Variants in FOXK2 observed in about 807,000 individuals in gnomAD.
The protein encoded by FOXK2 is forkhead box protein K2.
FOXK2 carries 24 observed loss-of-function variants against 53.3 expected under a neutral mutation model. The observed-to-expected ratio is 0.45, with a 90% CI of 0.33 to 0.63. The LOEUF (loss-of-function observed/expected upper bound fraction) is 0.63. Ranked by LOEUF, FOXK2 falls within the 30% of genes least tolerant of loss-of-function variation. The pLI is 0.03. For missense variants in FOXK2, 952 were observed against 910.5 expected (o/e 1.05, Z -0.59); for synonymous variants, 505 against 407.1 (o/e 1.24, Z -2.89).
chr17:82,583,408 G>A (rs1413253972), intron 5 of FOXK2, among the ~76,000 whole-genome samples: 7 of 152,214 alleles, frequency 4.6e-5, no homozygotes, highest in East Asian at 3.9e-4. Flanking sequence ...TTAGCCGGGC[G>A]CGGTGGCGCG....
Position 82,601,490 on chromosome 17 carries a change from C to T in FOXK2, c.1974C>T (p.Val658=). 6.2e-7 allele frequency: 1 copy of T among 1,602,478 alleles called. No homozygotes were observed. ...TPPAAVREKG[V]QN ...CGGCAGCCGTAAGGGAAAAGGGTGTCCAGAACTAGCGACCGGGAGAGCTTT... is the reference window on the plus strand; with the variant it reads ...CGGCAGCCGTAAGGGAAAAGGGTGTTCAGAACTAGCGACCGGGAGAGCTTT... The change falls in exon 9 of 9, where the codon GTC becomes GTT. Residue 658 remains valine (V), a synonymous_variant. Coordinates refer to ENST00000335255, the MANE Select transcript of FOXK2 (RefSeq NM_004514.4).
intron 1 of FOXK2, among the ~76,000 whole-genome samples, chr17:82,532,740 G>A (rs1293955571): frequency 6.6e-6 from 1 of 151,512 alleles, no homozygotes. Flanking sequence ...GCTAATTTTT[G>A]TATTTTTAGT....
chr17:82,581,853 G>A (rs573910008), intron 4 of FOXK2, among the ~76,000 whole-genome samples: 1 of 152,226 alleles, frequency 6.6e-6, no homozygotes, highest in East Asian at 1.9e-4. Flanking sequence ...CAACTGAGCC[G>A]CTGCGCCCGT....
chr17:82,580,024 C>T (rs1356853037), intron 4 of FOXK2, among the ~76,000 whole-genome samples: 13 of 116,948 alleles, frequency 1.1e-4, no homozygotes, highest in African/African-American at 1.0e-4. Flanking sequence ...CTCTCCATGT[C>T]GCCCATGAAG....
chr17:82,583,431 C>T (rs890931438), intron 5 of FOXK2, among the ~76,000 whole-genome samples: 1 of 152,188 alleles, frequency 6.6e-6, no homozygotes, highest in African/African-American at 2.4e-5. Flanking sequence ...CCTGTAATCC[C>T]AGCTACTCGG....
At chr17:82,547,516 TA>T (rs1449310019) in intron 1 of FOXK2, among the ~76,000 whole-genome samples, 2 of 152,226 alleles carry the variant, frequency 1.3e-5, no homozygotes, top group Non-Finnish European at 2.9e-5. Context: ...TACTTCTGGT[TA>T]TTTTTTTCAT....
At chr17:82,555,885 C>CAAAAAAAAAAAAAAAA (rs71168116) in intron 1 of FOXK2, among the ~76,000 whole-genome samples, 2 of 74,214 alleles carry the variant, frequency 2.7e-5, no homozygotes, top group Non-Finnish European at 5.0e-5. Flanking sequence ...GACTCTATCA[C>CAAAAAAAAAAAAAAAA]AAAAAAAAAA....
intron 4 of FOXK2, among the ~76,000 whole-genome samples, chr17:82,574,802 G>A (rs2044964358): frequency 6.6e-6 from 1 of 152,142 alleles, no homozygotes; most frequent in Non-Finnish European, 1.5e-5. Flanking sequence ...GTCTACCTAT[G>A]GTATAGCTTT....
intron 1 of FOXK2, among the ~76,000 whole-genome samples, chr17:82,531,905 A>G (rs1350096334): frequency 6.6e-6 from 1 of 151,242 alleles, no homozygotes; most frequent in Non-Finnish European, 1.5e-5. Flanking sequence ...CAATGGCGTG[A>G]TCTTGGCTCA....
intron 1 of FOXK2, among the ~76,000 whole-genome samples, chr17:82,522,901 T>G (rs2044378988): frequency 6.6e-6 from 1 of 152,068 alleles, no homozygotes; most frequent in East Asian, 1.9e-4. Flanking sequence ...TTCAAGCAAT[T>G]CTTGTGCCTC....
At chr17:82,586,606 A>T (rs1256011784) in intron 7 of FOXK2, among the ~76,000 whole-genome samples, 4 of 151,974 alleles carry the variant, frequency 2.6e-5, no homozygotes, top group Non-Finnish European at 5.9e-5. Flanking sequence ...AGTCCATAAG[A>T]TTTGCTCATC....
intron 8 of FOXK2, among the ~76,000 whole-genome samples, chr17:82,593,195 T>A (rs1264957146): frequency 6.6e-6 from 1 of 150,790 alleles, no homozygotes; most frequent in Non-Finnish European, 1.5e-5. Context: ...AAGGTCTCCC[T>A]GTGCCAGGCA....
At chr17:82,526,466 G>C (rs2044419469) in intron 1 of FOXK2, among the ~76,000 whole-genome samples, 1 of 152,290 alleles carries the variant, frequency 6.6e-6, no homozygotes, top group Non-Finnish European at 1.5e-5. Context: ...AAGGAGAGCA[G>C]AGTTGAGATT....
intron 4 of FOXK2, among the ~76,000 whole-genome samples, chr17:82,581,634 C>A (rs927637015): frequency 6.6e-6 from 1 of 152,132 alleles, no homozygotes; most frequent in African/African-American, 2.4e-5. Context: ...CGCCACTACG[C>A]CCCGCTAATT....
chr17:82,586,712 A>T (rs2045177275), intron 7 of FOXK2, among the ~76,000 whole-genome samples: 1 of 151,996 alleles, frequency 6.6e-6, no homozygotes, highest in African/African-American at 2.4e-5. Context: ...GACCAGCCTG[A>T]CCAACACGGA....
At chr17:82,538,238 G>C (rs1467216859) in intron 1 of FOXK2, among the ~76,000 whole-genome samples, 1 of 152,008 alleles carries the variant, frequency 6.6e-6, no homozygotes, top group East Asian at 1.9e-4. Flanking sequence ...AGAAAAAAAA[G>C]ATATAGGCCG....
chr17:82,586,679 A>G (rs2045176432), intron 7 of FOXK2, among the ~76,000 whole-genome samples: 1 of 152,154 alleles, frequency 6.6e-6, no homozygotes, highest in South Asian at 2.1e-4. Flanking sequence ...AGACGGTCGG[A>G]TCACCTGAGG....
At chr17:82,529,092 A>G (rs561718101) in intron 1 of FOXK2, among the ~76,000 whole-genome samples, 1 of 152,292 alleles carries the variant, frequency 6.6e-6, no homozygotes, top group South Asian at 2.1e-4. Context: ...AGCTGATAAT[A>G]TAATAAAAGT....
intron 1 of FOXK2, among the ~76,000 whole-genome samples, chr17:82,548,723 G>A (rs1381005009): frequency 6.6e-6 from 1 of 152,178 alleles, no homozygotes; most frequent in Non-Finnish European, 1.5e-5. Flanking sequence ...CTGAATAGAG[G>A]AAGGAAAGGA....
Sources: gnomAD v4.1 joint callset for allele counts (sites outside exome capture counted in the v4.1 genomes callset) on GRCh38, gnomAD v4.1.1 for gene constraint, MANE v1.5 for transcripts, NCBI Gene and HGNC (gene_info 2026-07-23, HGNC 2026-07-21) for gene names.